The following ZNF233 variants were observed in gnomAD, a reference collection of about 807,000 sequenced individuals.
ZNF233 encodes the protein zinc finger protein 233.
Under a neutral mutation model 11.6 loss-of-function variants are expected in ZNF233, and 7 were observed. The observed-to-expected ratio is 0.60, with a 90% CI of 0.34 to 1.13. The LOEUF is 1.13. Among genes scored for constraint, ZNF233 ranks in the 50% most tolerant of loss-of-function variants. The pLI is 0.03. For synonymous variants in ZNF233, 226 were observed against 268.5 expected (o/e 0.84, Z 1.55); for missense variants, 711 against 785.5 (o/e 0.91, Z 1.13).
rs764454120 is a variant in ZNF233, at chr19:44,274,382, T to C, written c.1722T>C (p.Ser574=). 9 of 1,613,936 alleles carry C rather than the reference T, an allele frequency of 5.6e-6. No homozygotes were observed. The Admixed American group carries it at 8.3e-5, about 15-fold the overall frequency. ...YKCDVCGKGF[S]WSSHLQAHQR... ...GTGATGTGTGTGGGAAAGGCTTCAG[T>C]TGGAGTTCACATCTTCAAGCCCATC... The change falls in exon 5 of 5, where the codon AGT becomes AGC. Residue 574 remains serine (S), a synonymous_variant. Transcript: ENST00000683810.
At chr19:44,263,312 C>T (rs1974985482) in intron 1 of ZNF233, among the ~76,000 whole-genome samples, 1 of 152,196 alleles carries the variant, frequency 6.6e-6, no homozygotes, top group African/African-American at 2.4e-5. Context: ...TATGCCCTAG[C>T]CATCACTCTT....
chr19:44,260,558 CCTTTT>C (rs1206774754), intron 1 of ZNF233, among the ~76,000 whole-genome samples: 1 of 152,114 alleles, frequency 6.6e-6, no homozygotes, highest in East Asian at 1.9e-4. Flanking sequence ...TTTTTCCTTC[CCTTTT>C]AAGGCATGAG....
rs1430324849 is a variant in ZNF233 at position 44,266,319 on chromosome 19, CAG to C, written c.138_139del (p.Val47GlyfsTer39). 7.5e-6 allele frequency: 12 copies of C among 1,603,046 alleles called. No individual in the cohort carries two copies. Among genetic ancestry groups the C allele is most frequent in the Non-Finnish European group, 1.0e-5 (12 of 1,173,996 alleles). On this transcript the variant is annotated frameshift_variant, in exon 3 of 5. Transcript: ENST00000683810. LOFTEE classifies it high-confidence loss of function. Reference sequence around the variant, plus strand: ...CTGGAGAACTTCAGGAACCTGCTGTCAGTGGGTGAGCACAGGCACCTTCTGTA... The same window carrying C: ...CTGGAGAACTTCAGGAACCTGCTGTCTGGGTGAGCACAGGCACCTTCTGTA...
At chr19:44,264,873 AAC>A (rs1163198246) in intron 2 of ZNF233, among the ~76,000 whole-genome samples, 1 of 152,208 alleles carries the variant, frequency 6.6e-6, no homozygotes, top group African/African-American at 2.4e-5. Context: ...CTACAAAACA[AAC>A]ACACAATGCT....
intron 4 of ZNF233, chr19:44,267,780 G>C (rs1485520592): frequency 5.3e-6 from 1 of 187,352 alleles, no homozygotes; most frequent in Non-Finnish European, 1.1e-5. Flanking sequence ...CTTCCTTTAT[G>C]TCTGGTCAGA....
chr19:44,269,412 C>T (rs1181398393), intron 4 of ZNF233, among the ~76,000 whole-genome samples: 1 of 152,076 alleles, frequency 6.6e-6, no homozygotes, highest in Non-Finnish European at 1.5e-5. Context: ...TCTCCTGCCT[C>T]AGCCTCCCGA....
chr19:44,271,665 A>T (rs1238582911), intron 4 of ZNF233, among the ~76,000 whole-genome samples: 1 of 151,762 alleles, frequency 6.6e-6, no homozygotes, highest in Non-Finnish European at 1.5e-5. Flanking sequence ...GCCTGCCCCC[A>T]TGCCTGGCTA....
intron 3 of ZNF233, 102 bp downstream of exon 3, chr19:44,266,426 G>A: frequency 1.5e-6 from 2 of 1,352,468 alleles, no homozygotes; most frequent in Non-Finnish European, 9.6e-7. Flanking sequence ...CCTGAACTTG[G>A]GGATGTGAAT....
rs200116301 is a variant in ZNF233 at position 44,274,306 on chromosome 19, C to T, written c.1646C>T (p.Ser549Leu). Reference sequence around the variant, plus strand: ...TGTGGGAAGGGCTTTAGTCAGAGTTCGCATCTCCAAGACCATCAGCAAGTC... The same window carrying T: ...TGTGGGAAGGGCTTTAGTCAGAGTTTGCATCTCCAAGACCATCAGCAAGTC... ...ETCGKGFSQS[S>L]HLQDHQQVHT... The change falls in exon 5 of 5, where the codon TCG (serine) becomes TTG (leucine). Residue 549 changes from serine (S) to leucine (L), a missense_variant. Transcript: ENST00000683810. 12 of 1,613,946 alleles carry T rather than the reference C, an allele frequency of 7.4e-6. No individual in the cohort carries two copies. Among genetic ancestry groups the T allele is most frequent in the African/African-American group, 4.0e-5 (3 of 74,970 alleles).
intron 4 of ZNF233, among the ~76,000 whole-genome samples, chr19:44,271,103 T>C (rs960544651): frequency 6.6e-6 from 1 of 152,166 alleles, no homozygotes; most frequent in Non-Finnish European, 1.5e-5. Flanking sequence ...TGGGAATAAG[T>C]TTTCTAATTC....
At chr19:44,269,074 T>C (rs183239996) in intron 4 of ZNF233, among the ~76,000 whole-genome samples, 101 of 152,324 alleles carry the variant, frequency 6.6e-4, no homozygotes, top group Middle Eastern at 6.8e-3. Context: ...TCCATGAACG[T>C]TGACTGCATT....
At chr19:44,269,328 G>A (rs914635118) in intron 4 of ZNF233, among the ~76,000 whole-genome samples, 1 of 149,632 alleles carries the variant, frequency 6.7e-6, no homozygotes, top group African/African-American at 2.5e-5. Context: ...ATGGAGTCTC[G>A]CTCTGTTGCC....
rs753296724 is a variant in ZNF233 at position 44,264,320 on chromosome 19, C to G, written c.-41C>G. On this transcript the variant is annotated 5_prime_UTR_variant, in exon 2 of 5. Transcript: ENST00000683810. ...CTTCTTTCTCTTTTCCCAGTTCTGC[C>G]TTCCCAGGACCCTGCCCTTCCCCAG... is the stretch of plus-strand genomic sequence containing the variant. 1 of 1,610,708 alleles carries G rather than the reference C, an allele frequency of 6.2e-7. No individual in the cohort carries two copies. Among genetic ancestry groups the G allele is most frequent in the South Asian group, 1.1e-5 (1 of 90,920 alleles).
intron 1 of ZNF233, among the ~76,000 whole-genome samples, chr19:44,262,069 A>C (rs1974953861): frequency 6.6e-6 from 1 of 152,240 alleles, no homozygotes; most frequent in Non-Finnish European, 1.5e-5. Flanking sequence ...TTAATTTAAT[A>C]GCCTGAGAAT....
intron 2 of ZNF233, among the ~76,000 whole-genome samples, chr19:44,265,364 TATACACACACACAC>T (rs1435526243): frequency 8.6e-5 from 5 of 57,832 alleles, no homozygotes; most frequent in African/African-American, 3.0e-4. Context: ...ATCATATATA[TATACACACACACAC>T]ACACACACAC....
Position 44,274,328 on chromosome 19 carries a change from AG to A in ZNF233, c.1669del (p.Val557SerfsTer149), listed in dbSNP as rs1281605598. 3 of 1,613,844 alleles carry A rather than the reference AG, an allele frequency of 1.9e-6. No individual in the cohort carries two copies. In the African/African-American group the frequency reaches 4.0e-5, roughly 22 times the overall value. On this transcript the variant is annotated frameshift_variant, in exon 5 of 5. Transcript: ENST00000683810. LOFTEE classifies it low-confidence loss of function (END_TRUNC). ...QSSHLQDHQQVHTGENPYKCD... is the reference protein window; with the variant it reads ...QSSHLQDHQQXHTGENPYKCD... ...GTTCGCATCTCCAAGACCATCAGCA[AG>A]TCCATACTGGAGAGAATCCCTACAA...
In ZNF233 at chr19:44,274,562, T is replaced by A; in HGVS notation, c.1902T>A (p.His634Gln). 1 of 1,613,742 alleles carries A rather than the reference T, an allele frequency of 6.2e-7. No individual in the cohort carries two copies. Among genetic ancestry groups the A allele is most frequent in the Non-Finnish European group, 8.5e-7 (1 of 1,179,832 alleles). Residue 634 changes from histidine to glutamine, a missense_variant, in exon 5 of 5, where the codon CAT becomes CAA. Transcript: ENST00000683810. The stretch of plus-strand genomic sequence containing the variant: ...GTAAGAGCTTCAGTCAGACTTCACA[T>A]CTTCAAGCCCATCAGAGAGTCCATA... Reference protein sequence around the residue: ...MCGKSFSQTSHLQAHQRVHTG... With the variant: ...MCGKSFSQTSQLQAHQRVHTG...
intron 4 of ZNF233, chr19:44,267,327 T>G (rs1338660867): frequency 2.5e-6 from 1 of 399,838 alleles, no homozygotes; most frequent in East Asian, 3.6e-5. Context: ...GACTGCTGTG[T>G]GTTTCTTATA....
intron 4 of ZNF233, among the ~76,000 whole-genome samples, chr19:44,268,647 A>G (rs1229451325): frequency 6.6e-6 from 1 of 152,210 alleles, no homozygotes; most frequent in Non-Finnish European, 1.5e-5. Context: ...AGGTGTTTTC[A>G]TTTGAATAGT....
Sources: gnomAD v4.1 joint callset for allele counts (sites outside exome capture counted in the v4.1 genomes callset) on GRCh38, gnomAD v4.1.1 for gene constraint, MANE v1.5 for transcripts, NCBI Gene and HGNC (gene_info 2026-07-23, HGNC 2026-07-21) for gene names.